Variants in RALGAPA2 observed in about 807,000 individuals in gnomAD.
The protein encoded by RALGAPA2 is Ral GTPase activating protein catalytic subunit alpha 2, also known as ral GTPase-activating protein subunit alpha-2.
Under a neutral mutation model 230.4 loss-of-function variants are expected in RALGAPA2, and 139 were observed. The observed-to-expected ratio is 0.60, with a 90% CI of 0.53 to 0.69. The LOEUF (loss-of-function observed/expected upper bound fraction) is 0.69. Among genes scored for constraint, RALGAPA2 ranks in the 30% least tolerant of loss-of-function variants. The pLI, the probability that RALGAPA2 is intolerant of heterozygous loss-of-function variation, is 0.00. For synonymous variants in RALGAPA2, 847 were observed against 837.8 expected (o/e 1.01, Z -0.19); for missense variants, 2,163 against 2,276.0 (o/e 0.95, Z 1.01).
At chr20:20,462,125 A>G (rs941040378) in intron 37 of RALGAPA2, among the ~76,000 whole-genome samples, 5 of 152,258 alleles carry the variant, frequency 3.3e-5, no homozygotes, top group Non-Finnish European at 5.9e-5. Context: ...GATAAAAATC[A>G]TAAGCCACTA....
chr20:20,511,447 T>C lies in RALGAPA2; in HGVS notation c.4857-122A>G, dbSNP rs191161411. The C allele has an allele frequency of 2.3e-3, 3,269 of 1,403,354 alleles. 6 individuals are homozygous for C. The highest frequency in any genetic ancestry group is 2.8e-3 in the Non-Finnish European group (2,989 of 1,070,998). The allele number at this position is 1,403,354 out of a possible 1,614,324, so 86.9% of individuals were successfully genotyped here. A position where few individuals can be genotyped will look rare whatever the true frequency, so the allele number is the denominator to read the frequency against. ...CTCTACCACCTCACTCACAAAAGAT[T>C]TGTGATAGAAACCTACAGAATGAAC... On this transcript the variant is annotated intron_variant, in intron 32 of 39. Coordinates refer to ENST00000202677, the MANE Select transcript of RALGAPA2 (RefSeq NM_020343.4).
At chr20:20,393,759 CTGAA>C (rs1369887296) in intron 39 of RALGAPA2, among the ~76,000 whole-genome samples, 1 of 152,208 alleles carries the variant, frequency 6.6e-6, no homozygotes. Flanking sequence ...AATTGCTTGT[CTGAA>C]TGAGTCCAGA....
rs1407648032 is a variant in RALGAPA2, at chr20:20,637,440, G to C, written c.728C>G (p.Thr243Arg). 2.5e-6 allele frequency: 4 copies of C among 1,575,746 alleles called. No individual in the cohort carries two copies. In the African/African-American group the frequency reaches 5.4e-5, roughly 21 times the overall value. The stretch of plus-strand genomic sequence containing the variant: ...AGGAAGATAATACTTTCGAAACAAT[G>C]TAAAAAGAAATTTAAAACCAGTATC... The part of the protein sequence containing the change: ...NQDTGFKFLF[T>R]LFRKYYLPHL... Residue 243 changes from threonine (T) to arginine (R), a missense_variant, in exon 8 of 40, where the codon ACA becomes AGA. By Grantham distance (71) the Thr-to-Arg change is moderately conservative (BLOSUM62 -1). Transcript: ENST00000202677.
chr20:20,602,818 G>GTA (rs2065698530), intron 15 of RALGAPA2, among the ~76,000 whole-genome samples: 1 of 121,260 alleles, frequency 8.2e-6, no homozygotes, highest in Non-Finnish European at 1.8e-5. Flanking sequence ...GCAGGCGTGT[G>GTA]TGTGTGTGTG....
intron 10 of RALGAPA2, among the ~76,000 whole-genome samples, chr20:20,622,727 C>G (rs2066360881): frequency 6.6e-6 from 1 of 151,890 alleles, no homozygotes; most frequent in Non-Finnish European, 1.5e-5. Context: ...TTTCCCTGGT[C>G]AGAGATTTGG....
At chr20:20,462,360 A>G (rs2061322274) in intron 37 of RALGAPA2, among the ~76,000 whole-genome samples, 1 of 152,202 alleles carries the variant, frequency 6.6e-6, no homozygotes, top group South Asian at 2.1e-4. Flanking sequence ...GCAAAACACA[A>G]TGTAAACATT....
In RALGAPA2 at chr20:20,635,440, T is replaced by G; in HGVS notation, c.983A>C (p.Asp328Ala). The G allele has an allele frequency of 6.2e-7, 1 of 1,601,912 alleles. No individual in the cohort carries two copies. The highest frequency in any genetic ancestry group is 8.5e-7 in the Non-Finnish European group (1 of 1,175,566). Residue 328 changes from aspartate (D) to alanine (A), a missense_variant, in exon 9 of 40, where the codon GAT (aspartate) becomes GCT (alanine). By Grantham distance (126) the Asp-to-Ala change is moderately radical. Transcript: ENST00000202677. ...TACCTGGATGATTTTAGGCAATACA[T>G]CAACTCCATTTTTAGTGTTTTGTGT... ...TATQNTKNGVDVLPKIIQTVG... is the reference protein window; with the variant it reads ...TATQNTKNGVAVLPKIIQTVG...
intron 37 of RALGAPA2, among the ~76,000 whole-genome samples, chr20:20,424,890 A>C (rs1314350816): frequency 6.6e-6 from 1 of 152,156 alleles, no homozygotes; most frequent in Non-Finnish European, 1.5e-5. Flanking sequence ...ACAATTAAAG[A>C]GCAACACACA....
At chr20:20,525,828 T>C (rs1602651882) in intron 28 of RALGAPA2, among the ~76,000 whole-genome samples, 1 of 152,200 alleles carries the variant, frequency 6.6e-6, no homozygotes, top group South Asian at 2.1e-4. Flanking sequence ...CAGCCGGTAA[T>C]CATGCTAGGG....
chr20:20,489,035 G>C (rs1043018697), intron 36 of RALGAPA2, among the ~76,000 whole-genome samples: 16 of 152,172 alleles, frequency 1.1e-4, no homozygotes, highest in African/African-American at 3.9e-4. Flanking sequence ...GAAAGGCCAG[G>C]GGAAGGGTGA....
chr20:20,653,353 G>C (rs771975752), intron 4 of RALGAPA2, among the ~76,000 whole-genome samples, 177 bp downstream of exon 4: 8 of 152,094 alleles, frequency 5.3e-5, no homozygotes, highest in Non-Finnish European at 1.2e-4. Context: ...GGAAGAGAGA[G>C]ACATATTTGT....
intron 36 of RALGAPA2, among the ~76,000 whole-genome samples, chr20:20,477,788 A>C (rs979806566): frequency 1.3e-5 from 2 of 152,078 alleles, no homozygotes; most frequent in African/African-American, 4.8e-5. Context: ...GGGTTTCACC[A>C]TGTTGGCCTG....
At chr20:20,438,622 T>C (rs186148873) in intron 37 of RALGAPA2, among the ~76,000 whole-genome samples, 1 of 152,286 alleles carries the variant, frequency 6.6e-6, no homozygotes, top group Non-Finnish European at 1.5e-5. Flanking sequence ...TGCCAGGCAG[T>C]GCGCTCGGGA....
In RALGAPA2 at chr20:20,657,172, C is replaced by T. The variant is rs115516993; in HGVS notation, c.271-3585G>A. ...ACTAACACCTGTGAAAGGGAAAAGACGGCAGCAAGATTAGACAGGGGAGCC... is the reference window on the plus strand; with the variant it reads ...ACTAACACCTGTGAAAGGGAAAAGATGGCAGCAAGATTAGACAGGGGAGCC... On this transcript the variant is annotated intron_variant, in intron 3 of 39. Transcript: ENST00000202677. Among the ~76,000 whole-genome samples the T allele has an allele frequency of 5.5e-3, 832 of 152,286 alleles. 7 individuals are homozygous for T. The highest frequency in any genetic ancestry group is 0.019 in the African/African-American group (793 of 41,546).
intron 38 of RALGAPA2, among the ~76,000 whole-genome samples, chr20:20,399,803 T>C (rs998017779): frequency 6.6e-6 from 1 of 152,230 alleles, no homozygotes; most frequent in African/African-American, 2.4e-5. Flanking sequence ...AGCAAGGCTT[T>C]GAACCAAGCT....
At chr20:20,693,656 A>G (rs1419078274) in intron 1 of RALGAPA2, among the ~76,000 whole-genome samples, 1 of 152,210 alleles carries the variant, frequency 6.6e-6, no homozygotes, top group East Asian at 1.9e-4. Context: ...CAGTAATAAC[A>G]GCTCACAAAA....
chr20:20,709,650 C>A (rs1211605831), intron 1 of RALGAPA2, among the ~76,000 whole-genome samples: 4 of 152,142 alleles, frequency 2.6e-5, no homozygotes, highest in African/African-American at 9.7e-5. Context: ...TGGCTTGATA[C>A]GTGTCAAGCC....
At chr20:20,626,404 G>A (rs1035037528) in intron 10 of RALGAPA2, among the ~76,000 whole-genome samples, 1 of 152,180 alleles carries the variant, frequency 6.6e-6, no homozygotes, top group African/African-American at 2.4e-5. Flanking sequence ...ATTATAAAAT[G>A]TAAATGTTTT....
chr20:20,531,537 G>T, intron 27 of RALGAPA2, 150 bp downstream of exon 27: 2 of 702,752 alleles, frequency 2.8e-6, no homozygotes, highest in Non-Finnish European at 2.4e-6. Flanking sequence ...ATCCGTTGGT[G>T]CCCCTCCCGG....
Sources: allele counts gnomAD v4.1 joint callset (sites outside exome capture counted in the v4.1 genomes callset), GRCh38; gene constraint gnomAD v4.1.1; transcripts MANE v1.5; gene names NCBI Gene and HGNC (gene_info 2026-07-23, HGNC 2026-07-21).